Variants in RANBP17 observed in about 807,000 individuals in gnomAD.
RANBP17 encodes RAN binding protein 17, also known as ran-binding protein 17.
RANBP17 carries 158 observed loss-of-function variants against 141.2 expected under a neutral mutation model. The observed-to-expected ratio is 1.12, with a 90% CI of 0.98 to 1.28. RANBP17 has a LOEUF of 1.28. Among genes scored for constraint, RANBP17 ranks in the 50% most tolerant of loss-of-function variants. The pLI, the probability that RANBP17 is intolerant of heterozygous loss-of-function variation, is 0.00. For synonymous variants in RANBP17, 430 were observed against 450.0 expected (o/e 0.96, Z 0.56); for missense variants, 1,438 against 1,290.7 (o/e 1.11, Z -1.75).
chr5:171,195,992 T>C (rs568252202), intron 18 of RANBP17, among the ~76,000 whole-genome samples: 1 of 152,292 alleles, frequency 6.6e-6, no homozygotes, highest in South Asian at 2.1e-4. Context: ...CACAAACATT[T>C]CTTGAGTGTC....
intron 3 of RANBP17, among the ~76,000 whole-genome samples, chr5:170,887,566 A>G (rs560562991): frequency 3.3e-5 from 5 of 152,334 alleles, no homozygotes; most frequent in African/African-American, 9.6e-5. Context: ...TAAAAGATTC[A>G]TAACATATTT....
chr5:171,174,959 C>T (rs141540639), intron 16 of RANBP17, among the ~76,000 whole-genome samples: 2 of 152,074 alleles, frequency 1.3e-5, no homozygotes, highest in East Asian at 1.9e-4. Context: ...TAGCCCTTCA[C>T]CCCCCTACAG....
At chr5:171,060,427 G>C (rs1448961770) in intron 14 of RANBP17, among the ~76,000 whole-genome samples, 1 of 151,986 alleles carries the variant, frequency 6.6e-6, no homozygotes, top group Non-Finnish European at 1.5e-5. Context: ...TAATCATGTG[G>C]TTTTTGTCTT....
At chr5:171,235,266 T>C (rs1209848642) in intron 22 of RANBP17, among the ~76,000 whole-genome samples, 1 of 149,732 alleles carries the variant, frequency 6.7e-6, no homozygotes, top group East Asian at 2.0e-4. Flanking sequence ...ATGGAAACAA[T>C]GAATTGAGCA....
At chr5:171,281,306 C>A (rs1025103579) in intron 25 of RANBP17, among the ~76,000 whole-genome samples, 2 of 152,140 alleles carry the variant, frequency 1.3e-5, no homozygotes, top group African/African-American at 4.8e-5. Flanking sequence ...TCTTAGGCAC[C>A]AAGGCAACCT....
intron 23 of RANBP17, 47 bp from the exon 24 acceptor site, chr5:171,242,635 A>AT: frequency 6.3e-7 from 1 of 1,594,698 alleles, no homozygotes; most frequent in South Asian, 1.1e-5. Context: ...TGTAACATGT[A>AT]TTTTTCTTCT....
At chr5:171,005,811 T>A (rs1178085347) in intron 14 of RANBP17, among the ~76,000 whole-genome samples, 1 of 152,026 alleles carries the variant, frequency 6.6e-6, no homozygotes, top group Non-Finnish European at 1.5e-5. Flanking sequence ...ACAGGCAACC[T>A]ACAGAATGGG....
At chr5:171,286,279 A>G in intron 25 of RANBP17, among the ~76,000 whole-genome samples, 1 of 152,128 alleles carries the variant, frequency 6.6e-6, no homozygotes, top group East Asian at 1.9e-4. Flanking sequence ...TTCTTTTTTT[A>G]ACAGCAAGAC....
intron 16 of RANBP17, among the ~76,000 whole-genome samples, chr5:171,174,309 C>T (rs770274484): frequency 1.3e-5 from 2 of 152,042 alleles, no homozygotes; most frequent in Non-Finnish European, 2.9e-5. Flanking sequence ...AGAGCCAGCC[C>T]GCTGTGTTCA....
At chr5:171,144,646 C>G (rs2127818726) in intron 14 of RANBP17, among the ~76,000 whole-genome samples, 1 of 152,216 alleles carries the variant, frequency 6.6e-6, no homozygotes, top group East Asian at 1.9e-4. Flanking sequence ...GTGTTTTGTC[C>G]TTTATGGTCT....
intron 14 of RANBP17, among the ~76,000 whole-genome samples, chr5:171,145,964 T>C (rs2127821254): frequency 6.6e-6 from 1 of 152,258 alleles, no homozygotes; most frequent in Admixed American, 6.5e-5. Context: ...AGAAAAAACA[T>C]TTGTTAATCA....
At chr5:170,993,879 C>T (rs1406026837) in intron 14 of RANBP17, among the ~76,000 whole-genome samples, 2 of 151,964 alleles carry the variant, frequency 1.3e-5, no homozygotes, top group Non-Finnish European at 2.9e-5. Flanking sequence ...AACAAGTTAA[C>T]AGCAATTATT....
chr5:171,029,750 T>C (rs764715202), intron 14 of RANBP17, among the ~76,000 whole-genome samples: 7 of 152,076 alleles, frequency 4.6e-5, no homozygotes, highest in Admixed American at 1.3e-4. Flanking sequence ...TAGCCTCTTA[T>C]TTTTCAAAAA....
At chr5:171,208,087 A>T (rs1163790561) in intron 20 of RANBP17, among the ~76,000 whole-genome samples, 4 of 152,338 alleles carry the variant, frequency 2.6e-5, no homozygotes, top group Non-Finnish European at 5.9e-5. Flanking sequence ...CCTTTTATCC[A>T]CATAAATGTG....
At chr5:170,870,614 C>T (rs1305490760) in intron 1 of RANBP17, among the ~76,000 whole-genome samples, 1 of 152,186 alleles carries the variant, frequency 6.6e-6, no homozygotes, top group Non-Finnish European at 1.5e-5. Context: ...TTTATCCAGT[C>T]TACCATCAAT....
At chr5:170,956,678 G>A (rs1177123673) in intron 13 of RANBP17, among the ~76,000 whole-genome samples, 1 of 151,748 alleles carries the variant, frequency 6.6e-6, no homozygotes, top group Non-Finnish European at 1.5e-5. Flanking sequence ...TCGAACTCTT[G>A]ACCTCGGGTG....
At chr5:170,975,311 C>G (rs746984526) in intron 14 of RANBP17, among the ~76,000 whole-genome samples, 2 of 152,030 alleles carry the variant, frequency 1.3e-5, no homozygotes, top group Non-Finnish European at 2.9e-5. Context: ...GGTAGATCAC[C>G]TGAGGTCAGG....
At chr5:170,899,800 T>G (rs1465408172) in intron 5 of RANBP17, among the ~76,000 whole-genome samples, 1 of 152,186 alleles carries the variant, frequency 6.6e-6, no homozygotes. Context: ...TTGGTTCTGT[T>G]TATGTGATGG....
chr5:171,280,823 G>A (rs949261171), intron 25 of RANBP17, among the ~76,000 whole-genome samples: 3 of 152,166 alleles, frequency 2.0e-5, no homozygotes, highest in Non-Finnish European at 2.9e-5. Flanking sequence ...GCTTTCAAAT[G>A]ACTGAAATTT....
Sources: gnomAD v4.1 joint callset for allele counts (sites outside exome capture counted in the v4.1 genomes callset) on GRCh38, gnomAD v4.1.1 for gene constraint, MANE v1.5 for transcripts, NCBI Gene and HGNC (gene_info 2026-07-23, HGNC 2026-07-21) for gene names.